Variants in GRIA1 observed in about 807,000 individuals in gnomAD.
GRIA1 encodes the protein glutamate ionotropic receptor AMPA type subunit 1.
A neutral mutation model predicts 99.2 loss-of-function variants in GRIA1; 31 were observed. That is an observed-to-expected ratio of 0.31 (90% CI 0.23 to 0.42). The LOEUF (loss-of-function observed/expected upper bound fraction) is 0.42, where lower values mean the gene tolerates loss of function less well. Ranked by LOEUF, GRIA1 falls within the 10% of genes least tolerant of loss-of-function variation. The pLI is 1.00. For synonymous variants in GRIA1, 438 were observed against 432.4 expected (o/e 1.01, Z -0.16); for missense variants, 782 against 1,157.5 (o/e 0.68, Z 4.71).
At chr5:153,753,792 G>T (rs1217705982) in intron 11 of GRIA1, among the ~76,000 whole-genome samples, 1 of 152,094 alleles carries the variant, frequency 6.6e-6, no homozygotes, top group Non-Finnish European at 1.5e-5. Context: ...TAGGCAGACA[G>T]ACCTCCAAGG....
chr5:153,739,609 C>G (rs1430542620), intron 11 of GRIA1, among the ~76,000 whole-genome samples: 1 of 152,200 alleles, frequency 6.6e-6, no homozygotes, highest in Non-Finnish European at 1.5e-5. Context: ...AACATTCCCA[C>G]TGGGTCAAGA....
intron 2 of GRIA1, among the ~76,000 whole-genome samples, chr5:153,584,016 A>C (rs1763259383): frequency 6.6e-6 from 1 of 152,150 alleles, no homozygotes. Flanking sequence ...TGTCTGCCCC[A>C]AGGGGCTACT....
At chr5:153,662,620 A>C (rs1373994145) in intron 5 of GRIA1, among the ~76,000 whole-genome samples, 1 of 152,190 alleles carries the variant, frequency 6.6e-6, no homozygotes, top group Non-Finnish European at 1.5e-5. Flanking sequence ...TATGAAACTC[A>C]TCTCACCCGG....
At chr5:153,613,789 C>T (rs1581331943) in intron 2 of GRIA1, among the ~76,000 whole-genome samples, 1 of 152,070 alleles carries the variant, frequency 6.6e-6, no homozygotes, top group Non-Finnish European at 1.5e-5. Flanking sequence ...TTACATAATC[C>T]GTTCACTTTA....
chr5:153,573,055 G>A (rs1287047441), intron 2 of GRIA1, among the ~76,000 whole-genome samples: 1 of 152,174 alleles, frequency 6.6e-6, no homozygotes, highest in Non-Finnish European at 1.5e-5. Flanking sequence ...GGGCCACGTT[G>A]AGTGACAACC....
At chr5:153,643,316 T>G (rs1753907289) in intron 2 of GRIA1, among the ~76,000 whole-genome samples, 1 of 152,136 alleles carries the variant, frequency 6.6e-6, no homozygotes, top group South Asian at 2.1e-4. Context: ...GAGCGTGGGA[T>G]TTACTTAAAG....
chr5:153,772,175 A>C (rs1165329396), intron 13 of GRIA1, among the ~76,000 whole-genome samples: 2 of 152,184 alleles, frequency 1.3e-5, no homozygotes, highest in Non-Finnish European at 2.9e-5. Context: ...GACAAAGAGA[A>C]GATCTCAAAG....
At chr5:153,776,755 G>T (rs1425800186) in intron 13 of GRIA1, among the ~76,000 whole-genome samples, 1 of 152,200 alleles carries the variant, frequency 6.6e-6, no homozygotes, top group Admixed American at 6.5e-5. Context: ...GGTGGTTAAG[G>T]CTATGAGTCG....
chr5:153,791,807 C>G (rs1255362161), intron 13 of GRIA1, among the ~76,000 whole-genome samples: 1 of 151,674 alleles, frequency 6.6e-6, no homozygotes, highest in Non-Finnish European at 1.5e-5. Context: ...CTTTTCTGTT[C>G]TGTTCTAGAT....
At chr5:153,654,410 A>G (rs551899280) in intron 4 of GRIA1, among the ~76,000 whole-genome samples, 1 of 152,140 alleles carries the variant, frequency 6.6e-6, no homozygotes, top group African/African-American at 2.4e-5. Flanking sequence ...TTAAAATATC[A>G]TGTCTTTGCT....
chr5:153,641,924 G>C (rs1318119935), intron 2 of GRIA1, among the ~76,000 whole-genome samples: 1 of 152,190 alleles, frequency 6.6e-6, no homozygotes, highest in Non-Finnish European at 1.5e-5. Flanking sequence ...TTGGGGATGG[G>C]CTGGTTTACC....
At chr5:153,712,227 T>C (rs981116887) in intron 11 of GRIA1, among the ~76,000 whole-genome samples, 1 of 152,072 alleles carries the variant, frequency 6.6e-6, no homozygotes, top group South Asian at 2.1e-4. Flanking sequence ...AATTGTTGTA[T>C]TTTTAGTAGA....
chr5:153,591,489 C>T (rs143871461), intron 2 of GRIA1, among the ~76,000 whole-genome samples: 106 of 152,300 alleles, frequency 7.0e-4, no homozygotes, highest in African/African-American at 2.5e-3. Context: ...TAAAATTCCC[C>T]TGCATAGCAC....
chr5:153,660,433 A>G (rs1755282334), intron 5 of GRIA1, among the ~76,000 whole-genome samples: 1 of 152,168 alleles, frequency 6.6e-6, no homozygotes, highest in African/African-American at 2.4e-5. Flanking sequence ...CAAAACATAT[A>G]AAGTGATGGA....
At chr5:153,637,960 A>C (rs1422892) in intron 2 of GRIA1, among the ~76,000 whole-genome samples, 103,990 of 151,342 alleles carry the variant, frequency 0.69, 36,013 homozygotes, top group East Asian at 0.79. Flanking sequence ...AGTGGGCTTA[A>C]ATCTCAATTG....
chr5:153,687,274 C>A (rs1393498700), intron 8 of GRIA1, among the ~76,000 whole-genome samples: 1 of 152,176 alleles, frequency 6.6e-6, no homozygotes, highest in Non-Finnish European at 1.5e-5. Flanking sequence ...AGAATGCTGG[C>A]TCTGGAATCC....
At chr5:153,543,490 A>G (rs1018867425) in intron 2 of GRIA1, among the ~76,000 whole-genome samples, 2 of 152,220 alleles carry the variant, frequency 1.3e-5, no homozygotes, top group African/African-American at 2.4e-5. Context: ...GCCTACATTT[A>G]GTAAACTAAG....
intron 5 of GRIA1, among the ~76,000 whole-genome samples, chr5:153,667,247 C>T (rs35542417): frequency 0.062 from 9,486 of 152,224 alleles, 307 homozygotes; most frequent in Middle Eastern, 0.12. Context: ...CTTACTTGCC[C>T]GTTTCCTTGA....
chr5:153,561,744 T>C (rs1221300863), intron 2 of GRIA1, among the ~76,000 whole-genome samples: 1 of 152,172 alleles, frequency 6.6e-6, no homozygotes, highest in Non-Finnish European at 1.5e-5. Flanking sequence ...CTTACCATCA[T>C]CACCATCACC....
Sources: allele counts gnomAD v4.1 joint callset (sites outside exome capture counted in the v4.1 genomes callset), GRCh38; gene constraint gnomAD v4.1.1; transcripts MANE v1.5; gene names NCBI Gene and HGNC (gene_info 2026-07-23, HGNC 2026-07-21).